RERG: variants seen among roughly 807,000 people sequenced by gnomAD.
RERG encodes ras-related and estrogen-regulated growth inhibitor.
A neutral mutation model predicts 23.2 loss-of-function variants in RERG; 25 were observed. The observed-to-expected ratio is 1.08, with a 90% CI of 0.79 to 1.50. RERG has a LOEUF of 1.50. RERG is among the 40% of genes most tolerant of loss of function. The pLI is 0.00. For missense variants in RERG, 253 were observed against 250.1 expected (o/e 1.01, Z -0.08); for synonymous variants, 81 against 89.1 (o/e 0.91, Z 0.51).
At chr12:15,133,718 C>A (rs1487228149) in intron 2 of RERG, among the ~76,000 whole-genome samples, 1 of 132,904 alleles carries the variant, frequency 7.5e-6, no homozygotes, top group Non-Finnish European at 1.6e-5. Flanking sequence ...CCAGCAATGA[C>A]TGAGAGGTTT....
In RERG at chr12:15,153,759, T is replaced by C. The variant is rs377657197; in HGVS notation, c.62-32640A>G. On this transcript the variant is annotated intron_variant, in intron 2 of 4. Coordinates refer to ENST00000256953, the MANE Select transcript of RERG (RefSeq NM_032918.3). ...CTCTCTGGTGATTTTTCAAGATAGATAGTGTTATGGGTTGAATTGTGTCCC... is the reference window on the plus strand; with the variant it reads ...CTCTCTGGTGATTTTTCAAGATAGACAGTGTTATGGGTTGAATTGTGTCCC... Among the ~76,000 whole-genome samples, 224 of 152,234 alleles carry C rather than the reference T, an allele frequency of 1.5e-3. 6 individuals are homozygous for C. In the South Asian group the frequency reaches 0.045, roughly 30 times the overall value.
intron 1 of RERG, among the ~76,000 whole-genome samples, chr12:15,219,007 T>C (rs995733060): frequency 6.6e-6 from 1 of 152,136 alleles, no homozygotes; most frequent in South Asian, 2.1e-4. Context: ...GCCAATCACA[T>C]TAAGCCTCAC....
At chr12:15,148,668 G>A (rs1174144342) in intron 2 of RERG, among the ~76,000 whole-genome samples, 1 of 152,074 alleles carries the variant, frequency 6.6e-6, no homozygotes, top group African/African-American at 2.4e-5. Context: ...TGAAGTGAAT[G>A]AGAAGAAGTC....
At chr12:15,177,345 T>C (rs1864864534) in intron 2 of RERG, among the ~76,000 whole-genome samples, 2 of 152,022 alleles carry the variant, frequency 1.3e-5, no homozygotes, top group African/African-American at 2.4e-5. Context: ...CCCAGCTACA[T>C]GGGAGGGTGA....
intron 2 of RERG, among the ~76,000 whole-genome samples, chr12:15,132,422 C>G (rs1414099662): frequency 6.6e-6 from 1 of 152,188 alleles, no homozygotes; most frequent in Non-Finnish European, 1.5e-5. Flanking sequence ...AGATATACCA[C>G]AGTTTGCTTA....
At chr12:15,167,445 G>A (rs761965696) in intron 2 of RERG, among the ~76,000 whole-genome samples, 4 of 152,120 alleles carry the variant, frequency 2.6e-5, no homozygotes, top group Admixed American at 6.5e-5. Context: ...GCTGGACCCC[G>A]GCCCCGGGGT....
At chr12:15,162,881 T>C (rs1443932994) in intron 2 of RERG, among the ~76,000 whole-genome samples, 1 of 152,212 alleles carries the variant, frequency 6.6e-6, no homozygotes, top group Admixed American at 6.5e-5. Context: ...CCTTACAATA[T>C]TGCTCTAGAC....
intron 2 of RERG, among the ~76,000 whole-genome samples, chr12:15,205,532 G>C (rs1291792518): frequency 6.6e-6 from 1 of 152,024 alleles, no homozygotes; most frequent in East Asian, 1.9e-4. Context: ...ATGTATGGCT[G>C]AGTCTTCCTT....
At chr12:15,178,374 T>A (rs954112783) in intron 2 of RERG, among the ~76,000 whole-genome samples, 1 of 124,636 alleles carries the variant, frequency 8.0e-6, no homozygotes, top group African/African-American at 3.0e-5. Flanking sequence ...TATGGAACCT[T>A]GGCACTAATA....
intron 3 of RERG, among the ~76,000 whole-genome samples, chr12:15,115,567 A>C (rs1415034672): frequency 7.9e-5 from 12 of 152,208 alleles, no homozygotes; most frequent in Admixed American, 7.8e-4. Flanking sequence ...CGGTATGATT[A>C]ATATGATTAT....
intron 2 of RERG, among the ~76,000 whole-genome samples, chr12:15,181,667 A>T (rs570709876): frequency 3.9e-5 from 6 of 152,368 alleles, no homozygotes; most frequent in African/African-American, 1.4e-4. Flanking sequence ...TGGACATCAT[A>T]GGAGTTCAAT....
intron 2 of RERG, among the ~76,000 whole-genome samples, chr12:15,146,479 A>G (rs1383388982): frequency 1.3e-5 from 2 of 152,168 alleles, no homozygotes; most frequent in Non-Finnish European, 2.9e-5. Flanking sequence ...CTTTCCATAC[A>G]ATGTCCTTGC....
intron 2 of RERG, among the ~76,000 whole-genome samples, chr12:15,186,704 A>G (rs913267582): frequency 6.6e-6 from 1 of 152,204 alleles, no homozygotes; most frequent in Admixed American, 6.5e-5. Context: ...TAAATGACAA[A>G]GAACAGGCCT....
At chr12:15,205,224 C>A (rs903637803) in intron 2 of RERG, among the ~76,000 whole-genome samples, 9 of 151,944 alleles carry the variant, frequency 5.9e-5, no homozygotes, top group Non-Finnish European at 1.2e-4. Flanking sequence ...AAAAAATTTA[C>A]ATAGTTCTTT....
At chr12:15,133,185 C>G (rs954948126) in intron 2 of RERG, among the ~76,000 whole-genome samples, 2 of 129,556 alleles carry the variant, frequency 1.5e-5, no homozygotes, top group Non-Finnish European at 3.1e-5. Context: ...GTACATGTAA[C>G]TATTATAGTA....
At chr12:15,185,297 G>A (rs181103968) in intron 2 of RERG, among the ~76,000 whole-genome samples, 2 of 152,024 alleles carry the variant, frequency 1.3e-5, no homozygotes, top group Admixed American at 6.6e-5. Context: ...ATTCTTAACC[G>A]TGGCCTAGAC....
intron 2 of RERG, among the ~76,000 whole-genome samples, chr12:15,189,831 G>C (rs576038909): frequency 1.3e-4 from 20 of 152,276 alleles, no homozygotes; most frequent in Middle Eastern, 3.4e-3. Flanking sequence ...AAAATTCATG[G>C]AAAAGGCAGA....
At chr12:15,138,793 G>A (rs989460797) in intron 2 of RERG, among the ~76,000 whole-genome samples, 9 of 151,612 alleles carry the variant, frequency 5.9e-5, no homozygotes, top group East Asian at 1.9e-4. Flanking sequence ...TGTCTTTAAC[G>A]TAACAGAAGT....
Position 15,129,742 on chromosome 12 carries a change from T to C in RERG, c.62-8623A>G, listed in dbSNP as rs377704414. ...GAGTGGCATGTAGGGGGAGCTATGT[T>C]GGTAGGGGGTCAGGTTGTGAGGTTC... On this transcript the variant is annotated intron_variant, in intron 2 of 4. Transcript: ENST00000256953. 5.5e-4 allele frequency among the ~76,000 whole-genome samples: 84 copies of C among 151,990 alleles called. No individual in the cohort carries two copies. In the South Asian group the frequency reaches 6.0e-3, roughly 11 times the overall value.
Sources: gnomAD v4.1 joint callset for allele counts (sites outside exome capture counted in the v4.1 genomes callset) on GRCh38, gnomAD v4.1.1 for gene constraint, MANE v1.5 for transcripts, NCBI Gene and HGNC (gene_info 2026-07-23, HGNC 2026-07-21) for gene names.